Variants in ZCWPW1 observed in about 807,000 individuals in gnomAD.
The protein encoded by ZCWPW1 is zinc finger CW-type PWWP domain protein 1.
ZCWPW1 carries 56 observed loss-of-function variants against 81.3 expected under a neutral mutation model. That is an observed-to-expected ratio of 0.69 (90% CI 0.56 to 0.86). The LOEUF (loss-of-function observed/expected upper bound fraction) is 0.86. Ranked by LOEUF, ZCWPW1 falls within the 40% of genes least tolerant of loss-of-function variation. The probability of loss-of-function intolerance (pLI) is 0.00; values close to 1 mark genes in which losing one functional copy is unlikely to be tolerated. For synonymous variants in ZCWPW1, 250 were observed against 273.7 expected, an observed-to-expected ratio of 0.91 and a Z score of 0.86; for missense variants, 650 against 769.8, an observed-to-expected ratio of 0.84 and a Z score of 1.84.
Position 100,420,672 on chromosome 7 carries a change from T to C in ZCWPW1, c.-23A>G, listed in dbSNP as rs777123505. ...CATTCAGCTTAGAAACTACGCTTTG[T>C]GTGCCTCTGTTAGAAAAAAGAAATT... On this transcript the variant is annotated 5_prime_UTR_variant, in exon 3 of 18. Coordinates refer to ENST00000684423, the MANE Select transcript of ZCWPW1 (RefSeq NM_001386010.1). 5.0e-6 allele frequency: 8 copies of C among 1,613,840 alleles called. No homozygotes were observed. The African/African-American group carries it at 1.1e-4, about 22-fold the overall frequency.
intron 12 of ZCWPW1, 73 bp downstream of exon 12, chr7:100,406,621 G>A (rs1433897983): frequency 2.1e-6 from 3 of 1,397,496 alleles, no homozygotes; most frequent in Non-Finnish European, 2.0e-6. Flanking sequence ...GCTTACCCTG[G>A]GAGAAAATGA....
At chr7:100,402,134 A>G (rs1792049805) in intron 16 of ZCWPW1, 93 bp from the exon 17 acceptor site, 1 of 1,474,314 alleles carries the variant, frequency 6.8e-7, no homozygotes, top group South Asian at 1.3e-5. Flanking sequence ...CCTGCCCCAC[A>G]TCTTCTGCTC....
rs1289777058 is a variant in ZCWPW1 at position 100,416,031 on chromosome 7, G to A, written c.698C>T (p.Thr233Ile). Residue 233 changes from threonine to isoleucine, a missense_variant, in exon 8 of 18, where the codon ACA becomes ATA. Transcript: ENST00000684423. Reference protein sequence around the residue: ...EHRQEDRLKKTVQDHSQIRDQ... With the variant: ...EHRQEDRLKKIVQDHSQIRDQ... ...CCTGATCTGAGAATGATCCTGAACT[G>A]TTTTCTTTAGTCGGTCTTCCTGTCT... The A allele has an allele frequency of 3.1e-6, 5 of 1,614,066 alleles. No individual in the cohort carries two copies. Among genetic ancestry groups the A allele is most frequent in the Non-Finnish European group, 4.2e-6 (5 of 1,180,030 alleles).
intron 8 of ZCWPW1, among the ~76,000 whole-genome samples, chr7:100,411,249 A>G (rs1368267029): frequency 7.0e-6 from 1 of 143,752 alleles, no homozygotes; most frequent in Non-Finnish European, 1.5e-5. Flanking sequence ...TATCACATAT[A>G]AGGATCACTT....
chr7:100,402,295 C>A, intron 16 of ZCWPW1: 1 of 837,390 alleles, frequency 1.2e-6, no homozygotes. Context: ...TCCTTCTTGG[C>A]TAAGAAATTA....
intron 8 of ZCWPW1, 69 bp downstream of exon 8, chr7:100,415,906 C>G (rs1307636499): frequency 6.2e-7 from 1 of 1,601,536 alleles, no homozygotes; most frequent in African/African-American, 1.3e-5. Context: ...CTCTAACATC[C>G]TAACCCTGCC....
At chr7:100,420,700 C>A in intron 2 of ZCWPW1, 22 bp from the exon 3 acceptor site, 1 of 1,605,108 alleles carries the variant, frequency 6.2e-7, no homozygotes. Flanking sequence ...AAGAAATTAA[C>A]TGCTATGACT....
chr7:100,422,271 A>T (rs1314882484), intron 2 of ZCWPW1, among the ~76,000 whole-genome samples: 2 of 152,260 alleles, frequency 1.3e-5, no homozygotes, highest in African/African-American at 4.8e-5. Flanking sequence ...AGTCTAATTC[A>T]GTGCTTCACC....
chr7:100,408,768 G>A (rs1246497358), intron 9 of ZCWPW1, 109 bp from the exon 10 acceptor site: 4 of 1,301,822 alleles, frequency 3.1e-6, no homozygotes, highest in Non-Finnish European at 4.1e-6. Context: ...GCAGCAGGTG[G>A]GACCAAAGGG....
At chr7:100,405,976 T>C (rs931062662) in intron 12 of ZCWPW1, among the ~76,000 whole-genome samples, 9 of 152,136 alleles carry the variant, frequency 5.9e-5, no homozygotes, top group Non-Finnish European at 1.3e-4. Flanking sequence ...GTGAATCCCA[T>C]GGAAATTTGA....
At chr7:100,402,223 T>G in intron 16 of ZCWPW1, 182 bp from the exon 17 acceptor site, 1 of 815,474 alleles carries the variant, frequency 1.2e-6, no homozygotes, top group Non-Finnish European at 2.0e-6. Context: ...TTTTTTTCTT[T>G]TATCCCCTGG....
At position 100,402,595 on chromosome 7, in the gene ZCWPW1, G is replaced by A; in HGVS notation, c.1414-19C>T. 6.2e-7 allele frequency: 1 copy of A among 1,612,952 alleles called. No individual in the cohort carries two copies. Among genetic ancestry groups the A allele is most frequent in the Non-Finnish European group, 8.5e-7 (1 of 1,179,020 alleles). On this transcript the variant is annotated intron_variant, in intron 15 of 17. Transcript: ENST00000684423. ...TTGGGTCCTGAGGATGGGAGAGAAA[G>A]TTTAAAAAAATGATAAATCAAGGCC...
Position 100,409,499 on chromosome 7 carries a change from T to C in ZCWPW1, c.800A>G (p.Lys267Arg). The C allele has an allele frequency of 6.2e-7, 1 of 1,614,126 alleles. No individual in the cohort carries two copies. The highest frequency in any genetic ancestry group is 8.5e-7 in the Non-Finnish European group (1 of 1,179,998). Residue 267 changes from lysine to arginine, a missense_variant, in exon 9 of 18, where the codon AAA (lysine) becomes AGA (arginine). Transcript: ENST00000684423. ...WVQCSFPNCGKWRRLCGNIDP... is the reference protein window; with the variant it reads ...WVQCSFPNCGRWRRLCGNIDP... ...AATGTTCCCACACAGCCGCCTCCAT[T>C]TCCCACAGTTTGGGAAGGAACACTG...
intron 12 of ZCWPW1, 84 bp downstream of exon 12, chr7:100,406,610 G>A: frequency 7.8e-7 from 1 of 1,290,296 alleles, no homozygotes; most frequent in Non-Finnish European, 1.1e-6. Context: ...CTCCCGACAT[G>A]GCTTACCCTG....
intron 14 of ZCWPW1, 24 bp from the exon 15 acceptor site, chr7:100,403,809 G>A (rs772923348): frequency 6.2e-7 from 1 of 1,600,456 alleles, no homozygotes; most frequent in Non-Finnish European, 8.6e-7. Flanking sequence ...AGGAAGGAAA[G>A]GCTAAATCAT....
chr7:100,415,796 A>C (rs2130725784), intron 8 of ZCWPW1, among the ~76,000 whole-genome samples, 179 bp downstream of exon 8: 1 of 152,340 alleles, frequency 6.6e-6, no homozygotes, highest in Non-Finnish European at 1.5e-5. Flanking sequence ...ACAACTATGG[A>C]TTATGTGAAT....
chr7:100,423,224 T>C (rs554544141), intron 2 of ZCWPW1, among the ~76,000 whole-genome samples: 1 of 152,312 alleles, frequency 6.6e-6, no homozygotes, highest in East Asian at 1.9e-4. Context: ...TGCCTCTCAA[T>C]TCTACTAATA....
chr7:100,417,298 T>A, intron 5 of ZCWPW1, 115 bp from the exon 6 acceptor site: 1 of 675,916 alleles, frequency 1.5e-6, no homozygotes, highest in Non-Finnish European at 2.5e-6. Context: ...AGCCTACCTG[T>A]CATATCACAG....
intron 10 of ZCWPW1, among the ~76,000 whole-genome samples, chr7:100,408,139 T>C (rs1793448065): frequency 6.6e-6 from 1 of 152,052 alleles, no homozygotes; most frequent in Non-Finnish European, 1.5e-5. Flanking sequence ...TTAGTAGGGA[T>C]GGGATTTCAC....
Sources: allele counts gnomAD v4.1 joint callset (sites outside exome capture counted in the v4.1 genomes callset), GRCh38; gene constraint gnomAD v4.1.1; transcripts MANE v1.5; gene names NCBI Gene and HGNC (gene_info 2026-07-23, HGNC 2026-07-21).